Variants in TNPO2 observed in about 807,000 individuals in gnomAD.
TNPO2 encodes the protein transportin-2.
In TNPO2, 16 loss-of-function variants were observed where a neutral mutation model predicts 111.1. The ratio of observed to expected loss-of-function variants is 0.14; its 90% CI spans 0.10 to 0.22. The LOEUF (loss-of-function observed/expected upper bound fraction) is 0.22, where lower values mean the gene tolerates loss of function less well. Among genes scored for constraint, TNPO2 ranks in the 10% least tolerant of loss-of-function variants. The probability of loss-of-function intolerance (pLI) is 1.00; values close to 1 mark genes in which losing one functional copy is unlikely to be tolerated. For missense variants in TNPO2, 530 were observed against 1,173.7 expected, an observed-to-expected ratio of 0.45 and a Z score of 8.01; for synonymous variants, 481 against 475.8, an observed-to-expected ratio of 1.01 and a Z score of -0.14.
chr19:12,718,578 T>C (rs919993638), intron 5 of TNPO2, among the ~76,000 whole-genome samples: 20 of 152,226 alleles, frequency 1.3e-4, no homozygotes, highest in African/African-American at 4.8e-4. Flanking sequence ...TTGCTGGGAT[T>C]ACAGGCGTGA....
At chr19:12,704,760 G>A (rs916894045) in intron 18 of TNPO2, among the ~76,000 whole-genome samples, 2 of 151,664 alleles carry the variant, frequency 1.3e-5, no homozygotes. Context: ...TCAGCTCACT[G>A]CAACCTCTGC....
intron 12 of TNPO2, 100 bp downstream of exon 12, chr19:12,711,196 G>A (rs1568335667): frequency 3.3e-6 from 5 of 1,495,802 alleles, no homozygotes; most frequent in East Asian, 2.3e-5. Context: ...GCCCGGCCAC[G>A]ATCAGCTTCT....
rs773555713 is a variant in TNPO2, at chr19:12,705,475, G to C, written c.1863+17C>G. 4 of 1,584,452 alleles carry C rather than the reference G, an allele frequency of 2.5e-6. No homozygotes were observed. In the South Asian group the frequency reaches 4.6e-5, roughly 18 times the overall value. On this transcript the variant is annotated intron_variant, in intron 17 of 25. Transcript: ENST00000425528. This position sits in a 1 kb window ranked among gnomAD's most constrained non-coding sequence, Gnocchi z 7.2. ...GGCCAATGCAGAAGCACAGGTGACGGGCCTAGGGTTGCTCACCATGGCCTG... is the reference window on the plus strand; with the variant it reads ...GGCCAATGCAGAAGCACAGGTGACGCGCCTAGGGTTGCTCACCATGGCCTG...
At position 12,711,477 on chromosome 19, in the gene TNPO2, A is replaced by G. The variant is rs971237203; in HGVS notation, c.952-16T>C. The G allele has an allele frequency of 1.9e-6, 3 of 1,613,622 alleles. No homozygotes were observed. In the African/African-American group the frequency reaches 4.0e-5, roughly 22 times the overall value. ...CCACATCCCCCTGGGGGACAGGCAGACTGTTAAGTACTTTGGGGACCACAG... is the reference window on the plus strand; with the variant it reads ...CCACATCCCCCTGGGGGACAGGCAGGCTGTTAAGTACTTTGGGGACCACAG... On this transcript the variant is annotated splice_polypyrimidine_tract_variant and intron_variant, in intron 11 of 25. Transcript: ENST00000425528.
rs147322327 is a variant in TNPO2, at chr19:12,707,300, G to C, written c.1271-505C>G. On this transcript the variant is annotated intron_variant, in intron 13 of 25. Coordinates refer to ENST00000425528, the MANE Select transcript of TNPO2 (RefSeq NM_001382241.1). ...GCGTGAGCCACCGCGCCCAGCCAAA[G>C]AGCTCCGTGTTATTGCGTTAATTCA... is the stretch of plus-strand genomic sequence containing the variant. Among the ~76,000 whole-genome samples the C allele has an allele frequency of 5.2e-4, 79 of 152,080 alleles. No homozygotes were observed. In the East Asian group the frequency reaches 0.014, roughly 26 times the overall value.
chr19:12,705,100 G>C lies in TNPO2; in HGVS notation c.2022+140C>G, dbSNP rs2025561680. 1.1e-6 allele frequency: 1 copy of C among 888,864 alleles called. No individual in the cohort carries two copies. The highest frequency in any genetic ancestry group is 1.7e-6 in the Non-Finnish European group (1 of 589,288). 55.1% of individuals were successfully genotyped at this position (888,864 alleles called of 1,614,324 possible). On this transcript the variant is annotated intron_variant, in intron 18 of 25. Transcript: ENST00000425528. This position sits in a 1 kb window ranked among gnomAD's most constrained non-coding sequence, Gnocchi z 7.2. The stretch of plus-strand genomic sequence containing the variant: ...CCTGGGCTCAAGCAATCCTGCCTCG[G>C]CCTCCAGGATTACTCTTTAAAATAA...
intron 13 of TNPO2, among the ~76,000 whole-genome samples, chr19:12,709,642 GTTT>G (rs78853226): frequency 4.9e-5 from 6 of 122,870 alleles, no homozygotes; most frequent in African/African-American, 9.6e-5. Flanking sequence ...ATTTTATCAG[GTTT>G]TTTTTTTTTT....
rs200913997 is a variant in TNPO2 at position 12,705,015 on chromosome 19, ATTTTT to A, written c.2022+220_2022+224del. Among the ~76,000 whole-genome samples, 1 of 148,978 alleles carries A rather than the reference ATTTTT, an allele frequency of 6.7e-6. No homozygotes were observed. Among genetic ancestry groups the A allele is most frequent in the East Asian group, 2.0e-4 (1 of 5,064 alleles). ...TTCAATACTGTTTGCTTTAAAAAAA[ATTTTT>A]TTTTTTAATTTTAGAACTGGGGTTT... On this transcript the variant is annotated intron_variant, in intron 18 of 25. Coordinates refer to ENST00000425528, the MANE Select transcript of TNPO2 (RefSeq NM_001382241.1). The surrounding 1 kb of genome is among the most constrained non-coding windows in gnomAD (Gnocchi z 7.2).
In TNPO2 at chr19:12,701,223, G is replaced by A. The variant is rs1051509632; in HGVS notation, c.*41C>T. On this transcript the variant is annotated 3_prime_UTR_variant, in exon 26 of 26. Transcript: ENST00000425528. The surrounding 1 kb of genome is among the most constrained non-coding windows in gnomAD (Gnocchi z 5.0). ...CAGCGCACTCCCCAGTAATCCCTCC[G>A]ACGACGACGCAGACAGAAACCTGCA... 1.4e-5 allele frequency: 11 copies of A among 760,360 alleles called. No homozygotes were observed. Among genetic ancestry groups the A allele is most frequent in the Middle Eastern group, 2.4e-4 (1 of 4,158 alleles). 47.1% of individuals were successfully genotyped at this position (760,360 alleles called of 1,614,324 possible).
intron 2 of TNPO2, chr19:12,722,249 C>A (rs949157645): frequency 1.3e-5 from 2 of 152,106 alleles, no homozygotes; most frequent in Admixed American, 6.6e-5. Context: ...TGAGGAGCCC[C>A]GACATGGCCT....
chr19:12,701,175 C>T lies in TNPO2; in HGVS notation c.*89G>A. On this transcript the variant is annotated 3_prime_UTR_variant, in exon 26 of 26. Coordinates refer to ENST00000425528, the MANE Select transcript of TNPO2 (RefSeq NM_001382241.1). The surrounding 1 kb of genome is among the most constrained non-coding windows in gnomAD (Gnocchi z 5.0). ...TCACTCCTCCCTAACCCCCCTCAACCAGGGCACAGCGACTTCCGGATGCAG... is the reference window on the plus strand; with the variant it reads ...TCACTCCTCCCTAACCCCCCTCAACTAGGGCACAGCGACTTCCGGATGCAG... The T allele has an allele frequency of 3.4e-6, 2 of 585,212 alleles. No homozygotes were observed. Among genetic ancestry groups the T allele is most frequent in the East Asian group, 5.7e-5 (2 of 35,160 alleles). 36.3% of individuals were successfully genotyped at this position (585,212 alleles called of 1,614,324 possible).
chr19:12,710,338 GGCAA>G (rs1343027523), intron 13 of TNPO2, among the ~76,000 whole-genome samples: 1 of 152,158 alleles, frequency 6.6e-6, no homozygotes, highest in African/African-American at 2.4e-5. Flanking sequence ...AAGTGCACGA[GGCAA>G]GCATGCAGCT....
Position 12,701,856 on chromosome 19 carries a change from G to A in TNPO2, c.2412-5C>T, listed in dbSNP as rs1305980787. 1.9e-6 allele frequency: 3 copies of A among 1,611,470 alleles called. No homozygotes were observed. Among genetic ancestry groups the A allele is most frequent in the Non-Finnish European group, 2.5e-6 (3 of 1,178,652 alleles). Reference sequence around the variant, plus strand: ...ATGTTCCTGAGGGACGTGCACCTGTGGGAAGGTGAGCAGCTGGAGGTCAGA... The same window carrying A: ...ATGTTCCTGAGGGACGTGCACCTGTAGGAAGGTGAGCAGCTGGAGGTCAGA... On this transcript the variant is annotated splice_polypyrimidine_tract_variant and splice_region_variant and intron_variant, in intron 22 of 25. Coordinates refer to ENST00000425528, the MANE Select transcript of TNPO2 (RefSeq NM_001382241.1). This position sits in a 1 kb window ranked among gnomAD's most constrained non-coding sequence, Gnocchi z 5.0.
intron 5 of TNPO2, among the ~76,000 whole-genome samples, chr19:12,716,861 G>T (rs2026390715): frequency 6.6e-6 from 1 of 152,130 alleles, no homozygotes; most frequent in Admixed American, 6.6e-5. Context: ...ATCTGAGGCA[G>T]GGGACTCTAT....
chr19:12,720,133 C>G lies in TNPO2; in HGVS notation c.99+746G>C, dbSNP rs190653907. Among the ~76,000 whole-genome samples, 48 of 152,272 alleles carry G rather than the reference C, an allele frequency of 3.2e-4. No homozygotes were observed. The East Asian group carries it at 9.1e-3, about 29-fold the overall frequency. ...CCAGGTTCAAGCGATTCTCCTGCCT[C>G]AGCCTCCCAATTAGCTGAGATTACA... is the stretch of plus-strand genomic sequence containing the variant. On this transcript the variant is annotated intron_variant, in intron 3 of 25. Coordinates refer to ENST00000425528, the MANE Select transcript of TNPO2 (RefSeq NM_001382241.1).
chr19:12,714,830 TG>T lies in TNPO2; in HGVS notation c.880del (p.His294IlefsTer5). ...CAGCAGCAGCACTCACTGGACCAGA[TG>T]GGAGGCCAGGACTTCCTTGCAGATG... is the stretch of plus-strand genomic sequence containing the variant. The part of the protein sequence containing the change: ...QPICKEVLAS[H>X]LVQLIPILVN... On this transcript the variant is annotated frameshift_variant, in exon 10 of 26. Coordinates refer to ENST00000425528, the MANE Select transcript of TNPO2 (RefSeq NM_001382241.1). LOFTEE classifies it high-confidence loss of function. 1 of 1,613,692 alleles carries T rather than the reference TG, an allele frequency of 6.2e-7. No individual in the cohort carries two copies. The highest frequency in any genetic ancestry group is 2.2e-5 in the East Asian group (1 of 44,880).
In TNPO2 at chr19:12,701,975, G is replaced by A. The variant is rs149029767; in HGVS notation, c.2411+97C>T. 2 of 1,416,400 alleles carry A rather than the reference G, an allele frequency of 1.4e-6. No individual in the cohort carries two copies. Among genetic ancestry groups the A allele is most frequent in the Non-Finnish European group, 2.0e-6 (2 of 1,002,714 alleles). 87.7% of individuals were successfully genotyped at this position (1,416,400 alleles called of 1,614,324 possible). On this transcript the variant is annotated intron_variant, in intron 22 of 25. Coordinates refer to ENST00000425528, the MANE Select transcript of TNPO2 (RefSeq NM_001382241.1). The surrounding 1 kb of genome is among the most constrained non-coding windows in gnomAD (Gnocchi z 5.0). ...ATCTGTGGGGGTGGGGCAGGGCAGG[G>A]AGTCAGTAGGCAGATGGGGCTGGAA...
Position 12,705,169 on chromosome 19 carries a change from G to A in TNPO2, c.2022+71C>T. The A allele has an allele frequency of 6.8e-7, 1 of 1,467,286 alleles. No individual in the cohort carries two copies. Among genetic ancestry groups the A allele is most frequent in the Admixed American group, 2.0e-5 (1 of 50,964 alleles). 90.9% of individuals were successfully genotyped at this position (1,467,286 alleles called of 1,614,324 possible). On this transcript the variant is annotated intron_variant, in intron 18 of 25. Coordinates refer to ENST00000425528, the MANE Select transcript of TNPO2 (RefSeq NM_001382241.1). This position sits in a 1 kb window ranked among gnomAD's most constrained non-coding sequence, Gnocchi z 7.2. The stretch of plus-strand genomic sequence containing the variant: ...CCTGATTTCCTTTGGGCACAACCAG[G>A]CCCTGACTCCCCACCAGGGGCAGCC...
At chr19:12,711,008 C>T (rs1340952361) in intron 12 of TNPO2, among the ~76,000 whole-genome samples, 1 of 152,176 alleles carries the variant, frequency 6.6e-6, no homozygotes, top group African/African-American at 2.4e-5. Flanking sequence ...CGTTTTCCTG[C>T]CTCAGCCTCC....
Sources: gnomAD v4.1 joint callset for allele counts (sites outside exome capture counted in the v4.1 genomes callset) on GRCh38, gnomAD v4.1.1 for gene constraint, Gnocchi (gnomAD v3.1) non-coding constraint, MANE v1.5 for transcripts, NCBI Gene and HGNC (gene_info 2026-07-23, HGNC 2026-07-21) for gene names.